ITGAM: variants seen among roughly 807,000 people sequenced by gnomAD.
ITGAM encodes the protein integrin subunit alpha M, also known as integrin alpha-M.
ITGAM carries 79 observed loss-of-function variants against 137.5 expected under a neutral mutation model. The ratio of observed to expected loss-of-function variants is 0.57; its 90% CI spans 0.48 to 0.69. ITGAM has a LOEUF of 0.69. Among genes scored for constraint, ITGAM ranks in the 30% least tolerant of loss-of-function variants. The probability of loss-of-function intolerance (pLI) is 0.00; values close to 1 mark genes in which losing one functional copy is unlikely to be tolerated. For synonymous variants in ITGAM, 583 were observed against 592.3 expected (o/e 0.98, Z 0.23); for missense variants, 1,343 against 1,483.5 (o/e 0.91, Z 1.56).
At chr16:31,305,167 T>C (rs1345033297) in intron 14 of ITGAM, among the ~76,000 whole-genome samples, 2 of 152,188 alleles carry the variant, frequency 1.3e-5, no homozygotes, top group Admixed American at 6.5e-5. Flanking sequence ...TGTAGGGAGC[T>C]TCACCTCCTT....
intron 8 of ITGAM, among the ~76,000 whole-genome samples, chr16:31,275,077 AG>A (rs1233925601): frequency 9.9e-5 from 15 of 152,176 alleles, no homozygotes; most frequent in African/African-American, 3.6e-4. Flanking sequence ...GAGGCAATGA[AG>A]GGGGCAGATG....
At position 31,297,730 on chromosome 16, in the gene ITGAM, GTT is replaced by G. The variant is rs1567265145; in HGVS notation, c.1498-13_1498-12del. On this transcript the variant is annotated splice_polypyrimidine_tract_variant and intron_variant, in intron 13 of 29. Transcript: ENST00000544665. ...GTCGCCTGGGTTGGGGCCTGATACT[GTT>G]TGTGTTTAGCAGAGGGCTCGGTGGC... 7 of 1,596,996 alleles carry G rather than the reference GTT, an allele frequency of 4.4e-6. No individual in the cohort carries two copies. The South Asian group carries it at 7.8e-5, about 18-fold the overall frequency.
rs1185207061 is a variant in ITGAM at position 31,321,670 on chromosome 16, G to A, written c.2002+43G>A. 5 of 1,588,868 alleles carry A rather than the reference G, an allele frequency of 3.1e-6. 1 individual carries two copies. Among genetic ancestry groups the A allele is most frequent in the East Asian group, 2.2e-5 (1 of 44,774 alleles). On this transcript the variant is annotated intron_variant, in intron 16 of 29. Transcript: ENST00000544665. Reference sequence around the variant, plus strand: ...AGTCTCAAGAGGTTAAACGACCGAGGACATGAATGGGTGCTGCAATCCACT... The same window carrying A: ...AGTCTCAAGAGGTTAAACGACCGAGAACATGAATGGGTGCTGCAATCCACT...
intron 14 of ITGAM, among the ~76,000 whole-genome samples, chr16:31,310,754 G>A (rs934055833): frequency 1.3e-5 from 2 of 150,016 alleles, no homozygotes; most frequent in African/African-American, 4.9e-5. Context: ...GCGTTCCTTT[G>A]TAGGAGGAGA....
intron 12 of ITGAM, among the ~76,000 whole-genome samples, chr16:31,293,377 G>C (rs956682407): frequency 9.9e-5 from 15 of 152,052 alleles, no homozygotes; most frequent in Non-Finnish European, 1.3e-4. Context: ...TATAGTTTTG[G>C]GTTTTACATT....
chr16:31,261,632 A>G, intron 1 of ITGAM, 60 bp from the exon 2 acceptor site: 1 of 1,095,626 alleles, frequency 9.1e-7, no homozygotes, highest in East Asian at 2.6e-5. Context: ...TGCTAGGACT[A>G]CAGCCCCTAA....
At chr16:31,310,897 A>G (rs58352473) in intron 14 of ITGAM, among the ~76,000 whole-genome samples, 21,680 of 152,086 alleles carry the variant, frequency 0.14, 1,701 homozygotes, top group African/African-American at 0.19. Context: ...TTCTGTTGTT[A>G]GTTTTCCTTC....
intron 14 of ITGAM, among the ~76,000 whole-genome samples, chr16:31,305,759 T>C (rs2080258717): frequency 6.6e-6 from 1 of 152,228 alleles, no homozygotes; most frequent in Non-Finnish European, 1.5e-5. Context: ...ATGTGATGTA[T>C]CACATTTATT....
chr16:31,263,176 G>A (rs1286032627), intron 2 of ITGAM, among the ~76,000 whole-genome samples: 1 of 151,908 alleles, frequency 6.6e-6, no homozygotes, highest in Non-Finnish European at 1.5e-5. Flanking sequence ...CCTGAGCTCA[G>A]GTGATCCACC....
chr16:31,277,951 A>G lies in ITGAM; in HGVS notation c.1214-16A>G. 1.3e-6 allele frequency: 2 copies of G among 1,577,984 alleles called. No individual in the cohort carries two copies. The highest frequency in any genetic ancestry group is 1.7e-6 in the Non-Finnish European group (2 of 1,161,400). On this transcript the variant is annotated splice_polypyrimidine_tract_variant and intron_variant, in intron 11 of 29. Coordinates refer to ENST00000544665, the MANE Select transcript of ITGAM (RefSeq NM_000632.4). ...GGGCAGGGAATGCACTTCACCTCTC[A>G]GACCCCCACCTTCAGGTTATGCTGC...
In ITGAM at chr16:31,321,701, C is replaced by T. The variant is rs534556976; in HGVS notation, c.2002+74C>T. 4 of 1,483,332 alleles carry T rather than the reference C, an allele frequency of 2.7e-6. No individual in the cohort carries two copies. The African/African-American group carries it at 4.1e-5, about 15-fold the overall frequency. 91.9% of individuals were successfully genotyped at this position (1,483,332 alleles called of 1,614,324 possible). ...AATGGGTGCTGCAATCCACTCTGCC[C>T]AGCCTTCTGGCTGTCCTGAACTGAG... On this transcript the variant is annotated intron_variant, in intron 16 of 29. Transcript: ENST00000544665.
Position 31,270,945 on chromosome 16 carries a change from C to A in ITGAM, c.428-9C>A. The A allele has an allele frequency of 1.4e-6, 2 of 1,469,578 alleles. No individual in the cohort carries two copies. The highest frequency in any genetic ancestry group is 3.0e-5 in the South Asian group (2 of 67,504). The allele number at this position is 1,469,578 out of a possible 1,614,324, so 91.0% of individuals were successfully genotyped here. ...ATTACTTGATTCATACTCTTTTCCCCTTCCCCAGGGTGTCCTCAAGAGGAT... is the reference window on the plus strand; with the variant it reads ...ATTACTTGATTCATACTCTTTTCCCATTCCCCAGGGTGTCCTCAAGAGGAT... On this transcript the variant is annotated splice_polypyrimidine_tract_variant and intron_variant, in intron 5 of 29. Coordinates refer to ENST00000544665, the MANE Select transcript of ITGAM (RefSeq NM_000632.4).
chr16:31,306,789 C>T (rs146650772), intron 14 of ITGAM, among the ~76,000 whole-genome samples: 409 of 152,266 alleles, frequency 2.7e-3, no homozygotes, highest in Non-Finnish European at 4.6e-3. Flanking sequence ...GGATTACAGG[C>T]ATGAGCCACC....
chr16:31,302,761 A>C (rs986374597), intron 14 of ITGAM, among the ~76,000 whole-genome samples: 2 of 150,848 alleles, frequency 1.3e-5, no homozygotes, highest in Non-Finnish European at 3.0e-5. Flanking sequence ...GGTCTCGAAC[A>C]CCTGACCTTG....
chr16:31,275,313 C>T (rs980523705), intron 8 of ITGAM, among the ~76,000 whole-genome samples: 6 of 152,306 alleles, frequency 3.9e-5, no homozygotes, highest in African/African-American at 9.6e-5. Flanking sequence ...TACCAGGAGA[C>T]GTGGCACAGC....
intron 16 of ITGAM, among the ~76,000 whole-genome samples, chr16:31,323,986 C>A (rs2144489301): frequency 6.6e-6 from 1 of 151,410 alleles, no homozygotes; most frequent in African/African-American, 2.4e-5. Flanking sequence ...GCACTCCAGC[C>A]TGGGCAAGAG....
At position 31,286,315 on chromosome 16, in the gene ITGAM, A is replaced by T. The variant is rs1462061337; in HGVS notation, c.1356+8206A>T. ...ATAGTGCTGTGATGAACATACGAGC[A>T]TGTATCTTTTTGATAGAACAGCTTA... On this transcript the variant is annotated intron_variant, in intron 12 of 29. Transcript: ENST00000544665. Among the ~76,000 whole-genome samples the T allele has an allele frequency of 3.3e-5, 5 of 152,274 alleles. No homozygotes were observed. The East Asian group carries it at 9.6e-4, about 29-fold the overall frequency.
In ITGAM at chr16:31,324,691, T is replaced by C; in HGVS notation, c.2198T>C (p.Leu733Pro). ...EDPVSPIVLR[L>P]NFSLVGTPLS... The stretch of plus-strand genomic sequence containing the variant: ...CCAGTGAGCCCCATTGTGCTGCGCC[T>C]GAACTTCTCTCTGGTGGGAACGCCA... Residue 733 changes from leucine (L) to proline (P), a missense_variant, in exon 18 of 30, where the codon CTG (leucine) becomes CCG (proline). Physicochemically the swap from Leu to Pro is moderately conservative, Grantham distance 98. Coordinates refer to ENST00000544665, the MANE Select transcript of ITGAM (RefSeq NM_000632.4). The surrounding 1 kb of genome is among the most constrained non-coding windows in gnomAD (Gnocchi z 4.5). The C allele has an allele frequency of 6.2e-7, 1 of 1,602,110 alleles. No homozygotes were observed. Among genetic ancestry groups the C allele is most frequent in the South Asian group, 1.1e-5 (1 of 89,330 alleles).
In ITGAM at chr16:31,332,719, A is replaced by T. The variant is rs1322391013; in HGVS notation, c.*1012A>T. 2.0e-5 allele frequency: 3 copies of T among 152,228 alleles called. No homozygotes were observed. The highest frequency in any genetic ancestry group is 6.5e-5 in the Admixed American group (1 of 15,284). 9.4% of individuals were successfully genotyped at this position (152,228 alleles called of 1,614,324 possible). A position where few individuals can be genotyped will look rare whatever the true frequency, so the allele number is the denominator to read the frequency against. ...TTCTCAGACATCGGTTCATATTAAG[A>T]CATAAATTACTTTTTCATTCTTTTA... On this transcript the variant is annotated 3_prime_UTR_variant, in exon 30 of 30. Transcript: ENST00000544665.
Sources: gnomAD v4.1 joint callset for allele counts (sites outside exome capture counted in the v4.1 genomes callset) on GRCh38, gnomAD v4.1.1 for gene constraint, Gnocchi (gnomAD v3.1) non-coding constraint, MANE v1.5 for transcripts, NCBI Gene and HGNC (gene_info 2026-07-23, HGNC 2026-07-21) for gene names.